NDUFAF2: variants seen among roughly 807,000 people sequenced by gnomAD.
NDUFAF2 encodes NADH dehydrogenase [ubiquinone] 1 alpha subcomplex assembly factor 2.
NDUFAF2 carries 13 observed loss-of-function variants against 22.8 expected under a neutral mutation model. The ratio of observed to expected loss-of-function variants is 0.57; its 90% confidence interval spans 0.37 to 0.91. The LOEUF is 0.91. Among genes scored for constraint, NDUFAF2 ranks in the 40% least tolerant of loss-of-function variants. The pLI, the probability that NDUFAF2 is intolerant of heterozygous loss-of-function variation, is 0.01. For missense variants in NDUFAF2, 162 were observed against 195.2 expected, an observed-to-expected ratio of 0.83 and a Z score of 1.01; for synonymous variants, 53 against 64.2, an observed-to-expected ratio of 0.83 and a Z score of 0.84.
intron 1 of NDUFAF2, among the ~76,000 whole-genome samples, chr5:60,957,202 A>G (rs1450733852): frequency 1.3e-5 from 2 of 152,166 alleles, no homozygotes; most frequent in Admixed American, 6.5e-5. Flanking sequence ...GCAAACCTCC[A>G]CATACCTGAA....
At chr5:60,985,376 T>C (rs1751058699) in intron 1 of NDUFAF2, among the ~76,000 whole-genome samples, 1 of 152,196 alleles carries the variant, frequency 6.6e-6, no homozygotes, top group Admixed American at 6.5e-5. Context: ...TTGAAGGCTT[T>C]TTTGTGTCTC....
At chr5:60,970,415 T>A (rs576694841) in intron 1 of NDUFAF2, among the ~76,000 whole-genome samples, 2 of 152,246 alleles carry the variant, frequency 1.3e-5, no homozygotes, top group East Asian at 3.9e-4. Flanking sequence ...TTCATCAGTG[T>A]TTTATAGTTT....
chr5:61,043,701 G>A (rs77399940), intron 1 of NDUFAF2, among the ~76,000 whole-genome samples: 23,228 of 144,234 alleles, frequency 0.16, 2,069 homozygotes, highest in South Asian at 0.29. Flanking sequence ...GTGTGTGTGT[G>A]TATGTGTGTG....
chr5:60,986,412 T>G (rs1751077376), intron 1 of NDUFAF2, among the ~76,000 whole-genome samples: 1 of 152,172 alleles, frequency 6.6e-6, no homozygotes, highest in Non-Finnish European at 1.5e-5. Flanking sequence ...AGAAGTTATT[T>G]GAAACTAATG....
chr5:61,045,077 A>AATAAAATAAAATAAAATTTTATTAAAT (rs1561550012), intron 1 of NDUFAF2, among the ~76,000 whole-genome samples: 9 of 40,430 alleles, frequency 2.2e-4, no homozygotes, highest in African/African-American at 5.2e-4. Flanking sequence ...TTTTATTAAA[A>AATAAAATAAAATAAAATTTTATTAAAT]TTTAATAAAA....
intron 1 of NDUFAF2, among the ~76,000 whole-genome samples, chr5:61,026,416 T>A (rs575014175): frequency 2.0e-5 from 3 of 152,254 alleles, no homozygotes; most frequent in Non-Finnish European, 4.4e-5. Flanking sequence ...TATGTCCACA[T>A]TTGATATCTA....
At chr5:61,099,598 AATGCT>A (rs1752682174) in intron 3 of NDUFAF2, among the ~76,000 whole-genome samples, 1 of 151,520 alleles carries the variant, frequency 6.6e-6, no homozygotes, top group Admixed American at 6.6e-5. Flanking sequence ...AAAACATAGA[AATGCT>A]ATGGTATATA....
chr5:61,063,311 A>G (rs187432220), intron 1 of NDUFAF2, among the ~76,000 whole-genome samples: 1 of 150,882 alleles, frequency 6.6e-6, no homozygotes, highest in African/African-American at 2.4e-5. Flanking sequence ...CAGCCTGGAT[A>G]ATATGGCAAG....
chr5:60,975,018 A>G (rs1561531798), intron 1 of NDUFAF2, among the ~76,000 whole-genome samples: 1 of 152,130 alleles, frequency 6.6e-6, no homozygotes, highest in Non-Finnish European at 1.5e-5. Flanking sequence ...CATGTTGGCC[A>G]GGCTGGTCTT....
chr5:61,135,459 A>G (rs1047852915), intron 3 of NDUFAF2, among the ~76,000 whole-genome samples: 1 of 152,220 alleles, frequency 6.6e-6, no homozygotes, highest in Non-Finnish European at 1.5e-5. Flanking sequence ...AATACTAACC[A>G]AAACAATTGA....
At chr5:61,058,517 A>G (rs1244384403) in intron 1 of NDUFAF2, among the ~76,000 whole-genome samples, 25 of 152,020 alleles carry the variant, frequency 1.6e-4, no homozygotes, top group Admixed American at 1.6e-3. Context: ...TCTTATTGTA[A>G]AATAGTTTTG....
At chr5:61,110,580 T>C (rs576119639) in intron 3 of NDUFAF2, among the ~76,000 whole-genome samples, 1 of 152,190 alleles carries the variant, frequency 6.6e-6, no homozygotes, top group South Asian at 2.1e-4. Flanking sequence ...ATTTACCCAT[T>C]TCTTCTAGGT....
chr5:61,048,644 C>T (rs1198955940), intron 1 of NDUFAF2, among the ~76,000 whole-genome samples: 1 of 152,138 alleles, frequency 6.6e-6, no homozygotes, highest in African/African-American at 2.4e-5. Flanking sequence ...GGCCAATAAC[C>T]TTGTTTCCCA....
intron 2 of NDUFAF2, among the ~76,000 whole-genome samples, 193 bp downstream of exon 2, chr5:61,073,407 T>C (rs948352623): frequency 2.6e-5 from 4 of 152,236 alleles, no homozygotes; most frequent in Non-Finnish European, 4.4e-5. Context: ...AGTAAGCAGA[T>C]GCATGTATAG....
In NDUFAF2 at chr5:61,041,572, T is replaced by C. The variant is rs139464984; in HGVS notation, c.128-31553T>C. Among the ~76,000 whole-genome samples, 28 of 152,302 alleles carry C rather than the reference T, an allele frequency of 1.8e-4. No individual in the cohort carries two copies. The East Asian group carries it at 4.8e-3, about 26-fold the overall frequency. The stretch of plus-strand genomic sequence containing the variant: ...TGAGAATAGACCAATACTTTCGAGT[T>C]TAAAACTTGGTAGACTTAACTATGT... On this transcript the variant is annotated intron_variant, in intron 1 of 3. Transcript: ENST00000296597.
At chr5:60,980,237 T>C (rs568374858) in intron 1 of NDUFAF2, among the ~76,000 whole-genome samples, 1 of 152,288 alleles carries the variant, frequency 6.6e-6, no homozygotes, top group Admixed American at 6.5e-5. Flanking sequence ...AATTCTTCAA[T>C]GCCCAGGCAG....
intron 1 of NDUFAF2, among the ~76,000 whole-genome samples, chr5:61,056,756 C>T (rs72759215): frequency 0.42 from 62,807 of 149,684 alleles, 14,040 homozygotes; most frequent in East Asian, 0.81. Flanking sequence ...GGCATGGTGG[C>T]GCGTGCCTGT....
chr5:61,019,072 T>C (rs971279139), intron 1 of NDUFAF2, among the ~76,000 whole-genome samples: 1 of 152,108 alleles, frequency 6.6e-6, no homozygotes, highest in South Asian at 2.1e-4. Context: ...ATCTGTAAAA[T>C]AAAGACATTA....
At chr5:61,128,403 A>G (rs1310026926) in intron 3 of NDUFAF2, among the ~76,000 whole-genome samples, 3 of 152,200 alleles carry the variant, frequency 2.0e-5, no homozygotes, top group Non-Finnish European at 4.4e-5. Flanking sequence ...AAACTATACT[A>G]CAAGGCTACA....
Sources: allele counts gnomAD v4.1 joint callset (sites outside exome capture counted in the v4.1 genomes callset), GRCh38; gene constraint gnomAD v4.1.1; transcripts MANE v1.5; gene names NCBI Gene and HGNC (gene_info 2026-07-23, HGNC 2026-07-21).